Variants in MAPK10 observed in about 807,000 individuals in gnomAD.
The protein encoded by MAPK10 is JNK3 alpha protein kinase.
In MAPK10, 25 loss-of-function variants were observed where a neutral mutation model predicts 59.3. That is an observed-to-expected ratio of 0.42 (90% CI 0.31 to 0.59). The LOEUF (loss-of-function observed/expected upper bound fraction) is 0.59. Ranked by LOEUF, MAPK10 falls within the 20% of genes least tolerant of loss-of-function variation. MAPK10 has a pLI of 0.15. For synonymous variants in MAPK10, 190 were observed against 200.5 expected, an observed-to-expected ratio of 0.95 and a Z score of 0.44; for missense variants, 351 against 568.9, an observed-to-expected ratio of 0.62 and a Z score of 3.90.
Position 86,580,660 on chromosome 4 carries a change from A to G in MAPK10, c.-263+13250T>C, listed in dbSNP as rs934151182. 3.3e-5 allele frequency among the ~76,000 whole-genome samples: 5 copies of G among 152,326 alleles called. No individual in the cohort carries two copies. The South Asian group carries it at 1.0e-3, about 32-fold the overall frequency. ...GTCAAAGATCATTTTTCAAATGCTA[A>G]AAACCTAAATAATCACATTGAAATC... On this transcript the variant is annotated intron_variant, in intron 1 of 4. Transcript: ENST00000502302.
intron 1 of MAPK10, among the ~76,000 whole-genome samples, chr4:86,577,565 G>T (rs1442056152): frequency 6.6e-6 from 1 of 152,122 alleles, no homozygotes; most frequent in East Asian, 1.9e-4. Context: ...GTGTTTGTTT[G>T]CCAACCTTGT....
At chr4:86,321,061 C>A (rs1039969850) in intron 2 of MAPK10, among the ~76,000 whole-genome samples, 2 of 151,992 alleles carry the variant, frequency 1.3e-5, no homozygotes, top group Non-Finnish European at 2.9e-5. Context: ...GTTAGAATGG[C>A]AATCATTAAA....
chr4:86,369,275 A>T (rs1738388681), intron 1 of MAPK10, among the ~76,000 whole-genome samples: 1 of 152,228 alleles, frequency 6.6e-6, no homozygotes, highest in Non-Finnish European at 1.5e-5. Flanking sequence ...TTAAATTAAA[A>T]TAAAAGTTTA....
At chr4:86,504,801 C>A (rs1755603244) in intron 1 of MAPK10, among the ~76,000 whole-genome samples, 1 of 152,104 alleles carries the variant, frequency 6.6e-6, no homozygotes, top group Non-Finnish European at 1.5e-5. Context: ...CAATAAGACA[C>A]ATGATGACTG....
chr4:86,039,989 G>A (rs2041177879), intron 11 of MAPK10, among the ~76,000 whole-genome samples: 1 of 152,114 alleles, frequency 6.6e-6, no homozygotes, highest in South Asian at 2.1e-4. Flanking sequence ...GGCATGCACA[G>A]GTTCTATGGA....
intron 2 of MAPK10, among the ~76,000 whole-genome samples, chr4:86,314,933 C>A (rs561573647): frequency 6.6e-6 from 1 of 152,158 alleles, no homozygotes; most frequent in Non-Finnish European, 1.5e-5. Context: ...AGTATTCCAA[C>A]ACATAGAATT....
chr4:86,260,879 C>T (rs2148739836), intron 2 of MAPK10, among the ~76,000 whole-genome samples: 1 of 152,206 alleles, frequency 6.6e-6, no homozygotes, highest in Middle Eastern at 3.4e-3. Context: ...CTATGCAAGG[C>T]ATTGCATTAT....
intron 1 of MAPK10, among the ~76,000 whole-genome samples, chr4:86,495,916 C>A (rs761975271): frequency 7.9e-5 from 12 of 151,946 alleles, no homozygotes; most frequent in Non-Finnish European, 1.5e-4. Context: ...TTAATTTTTA[C>A]CCAAAAAAAC....
chr4:86,400,888 A>G (rs969773814), intron 1 of MAPK10, among the ~76,000 whole-genome samples: 10 of 152,142 alleles, frequency 6.6e-5, no homozygotes, highest in African/African-American at 2.4e-4. Flanking sequence ...TTTTTAAAAG[A>G]ATTTTATTAA....
chr4:86,074,750 T>C (rs1478405854), intron 9 of MAPK10, among the ~76,000 whole-genome samples: 1 of 139,958 alleles, frequency 7.1e-6, no homozygotes, highest in Non-Finnish European at 1.6e-5. Flanking sequence ...GTAGGGTTTC[T>C]GCCGAGAGAT....
At chr4:86,358,466 C>A in intron 1 of MAPK10, 1 of 705,938 alleles carries the variant, frequency 1.4e-6, no homozygotes, top group Non-Finnish European at 1.7e-6. Flanking sequence ...ATCAACATGG[C>A]CAGAAGCAGG....
chr4:86,400,369 A>G (rs568853877), intron 1 of MAPK10, among the ~76,000 whole-genome samples: 1 of 152,256 alleles, frequency 6.6e-6, no homozygotes, highest in African/African-American at 2.4e-5. Context: ...AAACCCTGAG[A>G]ACATTACTAT....
At chr4:86,477,520 T>G (rs1015360261) in intron 1 of MAPK10, among the ~76,000 whole-genome samples, 1 of 152,136 alleles carries the variant, frequency 6.6e-6, no homozygotes. Flanking sequence ...TGACCGATCA[T>G]GTACCCCTAC....
chr4:86,307,109 C>T (rs1409908497), intron 2 of MAPK10, among the ~76,000 whole-genome samples: 3 of 152,148 alleles, frequency 2.0e-5, no homozygotes, highest in Non-Finnish European at 4.4e-5. Flanking sequence ...AAATCTTCTT[C>T]TGACTCACAG....
At chr4:86,291,121 C>G (rs1369701002) in intron 2 of MAPK10, among the ~76,000 whole-genome samples, 1 of 152,168 alleles carries the variant, frequency 6.6e-6, no homozygotes, top group Non-Finnish European at 1.5e-5. Context: ...AGCGGGAGAA[C>G]TGGGTCAGAC....
chr4:86,439,476 C>G (rs1749163227), intron 1 of MAPK10, among the ~76,000 whole-genome samples: 1 of 152,188 alleles, frequency 6.6e-6, no homozygotes, highest in Non-Finnish European at 1.5e-5. Flanking sequence ...TGTACCACCA[C>G]TTTTTTATCC....
intron 1 of MAPK10, among the ~76,000 whole-genome samples, chr4:86,372,564 G>GAAAGAAAGAAAGAAAAGAAAAGAAAAGA: frequency 6.6e-4 from 52 of 78,626 alleles, no homozygotes; most frequent in African/African-American, 1.8e-3. Context: ...AAGAAAGAAA[G>GAAAGAAAGAAAGAAAAGAAAAGAAAAGA]AAAGAAAAGA....
At chr4:86,259,686 G>A (rs980946545) in intron 2 of MAPK10, among the ~76,000 whole-genome samples, 5 of 151,982 alleles carry the variant, frequency 3.3e-5, no homozygotes, top group African/African-American at 1.2e-4. Flanking sequence ...TAGGTGATTA[G>A]TGACTTGGTA....
intron 2 of MAPK10, among the ~76,000 whole-genome samples, chr4:86,303,666 T>C (rs1242033655): frequency 1.3e-5 from 2 of 152,182 alleles, no homozygotes; most frequent in African/African-American, 4.8e-5. Context: ...GAGTTTTATA[T>C]GTGGTAGTTA....
Sources: gnomAD v4.1 joint callset for allele counts (sites outside exome capture counted in the v4.1 genomes callset) on GRCh38, gnomAD v4.1.1 for gene constraint, MANE v1.5 for transcripts, NCBI Gene and HGNC (gene_info 2026-07-23, HGNC 2026-07-21) for gene names.